FRMD5: variants seen among roughly 807,000 people sequenced by gnomAD.
FRMD5 encodes the protein FERM domain-containing protein 5.
A neutral mutation model predicts 69.0 loss-of-function variants in FRMD5; 20 were observed. That is an observed-to-expected ratio of 0.29 (90% CI 0.20 to 0.42). The LOEUF (loss-of-function observed/expected upper bound fraction) is 0.42. Among genes scored for constraint, FRMD5 ranks in the 10% least tolerant of loss-of-function variants. FRMD5 has a pLI of 1.00. For missense variants in FRMD5, 595 were observed against 708.6 expected, an observed-to-expected ratio of 0.84 and a Z score of 1.82; for synonymous variants, 271 against 260.1, an observed-to-expected ratio of 1.04 and a Z score of -0.40.
At chr15:43,987,502 G>T (rs935459185) in intron 1 of FRMD5, among the ~76,000 whole-genome samples, 4 of 152,140 alleles carry the variant, frequency 2.6e-5, no homozygotes, top group African/African-American at 9.7e-5. Context: ...GTTGCAGGGG[G>T]TTTCGGGATG....
intron 1 of FRMD5, among the ~76,000 whole-genome samples, chr15:44,036,571 C>A (rs1412192554): frequency 6.6e-6 from 1 of 152,118 alleles, no homozygotes; most frequent in African/African-American, 2.4e-5. Context: ...TAAAATGGAG[C>A]TGAAAATTGT....
rs34063043 is a variant in FRMD5 at position 43,875,804 on chromosome 15, G to GTTTTTTTTTTTTTTTTTTTTT, written c.1136-1363_1136-1343dup. The GTTTTTTTTTTTTTTTTTTTTT allele has an allele frequency of 5.7e-5, 12 of 210,656 alleles. 1 individual carries two copies. Among genetic ancestry groups the GTTTTTTTTTTTTTTTTTTTTT allele is most frequent in the African/African-American group, 2.9e-4 (6 of 20,936 alleles). The allele number at this position is 210,656 out of a possible 1,614,324, so 13.0% of individuals were successfully genotyped here. On this transcript the variant is annotated intron_variant, in intron 13 of 13. Coordinates refer to ENST00000417257, the MANE Select transcript of FRMD5 (RefSeq NM_032892.5). ...TCTTGCCTTTGGTGTCCTGGGCCTAGTTTTTTTTTTTTTTTTTTTTTTTCT... is the reference window on the plus strand; with the variant it reads ...TCTTGCCTTTGGTGTCCTGGGCCTAGTTTTTTTTTTTTTTTTTTTTTTTTTTTTTTTTTTTTTTTTTTTTCT...
intron 1 of FRMD5, among the ~76,000 whole-genome samples, chr15:43,931,901 A>T (rs2089682891): frequency 6.6e-6 from 1 of 152,196 alleles, no homozygotes; most frequent in Non-Finnish European, 1.5e-5. Flanking sequence ...GTTGAGGCAC[A>T]GGGAGCAGAA....
intron 1 of FRMD5, among the ~76,000 whole-genome samples, chr15:44,128,438 T>C (rs551463184): frequency 1.3e-5 from 2 of 152,062 alleles, no homozygotes; most frequent in African/African-American, 2.4e-5. Context: ...GATCATGCCA[T>C]TGCACTCCAG....
chr15:44,197,286 G>A (rs189043603), upstream of FRMD5, among the ~76,000 whole-genome samples: 152 of 152,214 alleles, frequency 1.0e-3, no homozygotes, highest in Admixed American at 2.9e-3. Context: ...GACCTGTGAA[G>A]AAACTCAAAA....
At chr15:43,885,830 T>C in intron 10 of FRMD5, 75 bp from the exon 11 acceptor site, 1 of 1,143,176 alleles carries the variant, frequency 8.7e-7, no homozygotes, top group South Asian at 1.2e-5. Context: ...CATCCCCAGC[T>C]TCTTCCAAAG....
At chr15:44,128,158 T>A (rs938779852) in intron 1 of FRMD5, among the ~76,000 whole-genome samples, 1 of 152,190 alleles carries the variant, frequency 6.6e-6, no homozygotes, top group African/African-American at 2.4e-5. Context: ...TATTTTTATA[T>A]CCATACTATT....
At chr15:43,956,753 C>G (rs1362097579) in intron 1 of FRMD5, among the ~76,000 whole-genome samples, 1 of 152,188 alleles carries the variant, frequency 6.6e-6, no homozygotes, top group African/African-American at 2.4e-5. Flanking sequence ...GTGTGTCCAT[C>G]CAGAAAGGCT....
At chr15:43,878,761 G>C (rs987336706) in intron 13 of FRMD5, among the ~76,000 whole-genome samples, 4 of 152,106 alleles carry the variant, frequency 2.6e-5, no homozygotes, top group African/African-American at 9.7e-5. Context: ...GAAAAGCTTA[G>C]CTTAACCTAC....
intron 1 of FRMD5, among the ~76,000 whole-genome samples, chr15:44,117,991 C>CTTTTTTTTTTTT (rs747747488): frequency 1.2e-3 from 109 of 92,550 alleles, no homozygotes; most frequent in Non-Finnish European, 1.7e-3. Flanking sequence ...TTCTTTTTTA[C>CTTTTTTTTTTTT]TTTTTTTTTT....
intron 1 of FRMD5, among the ~76,000 whole-genome samples, chr15:44,182,881 C>T (rs372430060): frequency 3.9e-5 from 6 of 152,100 alleles, no homozygotes; most frequent in South Asian, 2.1e-4. Context: ...CTGCAAGTTC[C>T]GCCTCCCGGG....
chr15:43,980,824 T>C (rs2090536862), intron 1 of FRMD5, among the ~76,000 whole-genome samples: 1 of 152,194 alleles, frequency 6.6e-6, no homozygotes, highest in African/African-American at 2.4e-5. Flanking sequence ...TGGGTGCTGC[T>C]CATTTTTGTG....
chr15:44,050,947 C>T (rs562557578), intron 1 of FRMD5, among the ~76,000 whole-genome samples: 6 of 151,826 alleles, frequency 4.0e-5, no homozygotes, highest in African/African-American at 7.2e-5. Flanking sequence ...CATGAGTCAC[C>T]GTGCCCAGCC....
chr15:43,942,124 C>T lies in FRMD5; in HGVS notation c.103-17815G>A, dbSNP rs554828453. ...GAGAGGAAGGAAGAAGATATTTCATCTTTGGTTCTTCTGAGTTGAATTAAA... is the reference window on the plus strand; with the variant it reads ...GAGAGGAAGGAAGAAGATATTTCATTTTTGGTTCTTCTGAGTTGAATTAAA... On this transcript the variant is annotated intron_variant, in intron 1 of 13. Coordinates refer to ENST00000417257, the MANE Select transcript of FRMD5 (RefSeq NM_032892.5). Among the ~76,000 whole-genome samples the T allele has an allele frequency of 7.9e-5, 12 of 152,302 alleles. 1 individual carries two copies. The South Asian group carries it at 2.3e-3, about 29-fold the overall frequency.
rs775487750 is a variant in FRMD5 at position 43,885,693 on chromosome 15, C to T, written c.947G>A (p.Arg316Gln). 6 of 1,613,714 alleles carry T rather than the reference C, an allele frequency of 3.7e-6. No individual in the cohort carries two copies. Among genetic ancestry groups the T allele is most frequent in the South Asian group, 2.2e-5 (2 of 91,070 alleles). The change falls in exon 11 of 14, where the codon CGG becomes CAG. Residue 316 changes from arginine (R) to glutamine (Q), a missense_variant. Physicochemically the swap from Arg to Gln is conservative, Grantham distance 43. This residue lies in a region of FRMD5 where 176 missense variants were observed against 266.3 expected (regional missense o/e 0.66). Transcript: ENST00000417257. ...TGTCACTATTTACCTGTATCGGAACCGGCTCCCTTTAAAGAATAAATTGCT... is the reference window on the plus strand; with the variant it reads ...TGTCACTATTTACCTGTATCGGAACTGGCTCCCTTTAAAGAATAAATTGCT... ...SSSNLFFKGS[R>Q]FRYSGRVAKE... is the part of the protein sequence containing the mutation.
chr15:44,158,920 T>A (rs924257298), intron 1 of FRMD5, among the ~76,000 whole-genome samples: 2 of 152,102 alleles, frequency 1.3e-5, no homozygotes, highest in Admixed American at 1.3e-4. Flanking sequence ...ACAATCACAA[T>A]ATCATGGGCA....
intron 1 of FRMD5, among the ~76,000 whole-genome samples, chr15:43,982,104 A>G (rs2090557300): frequency 6.6e-6 from 1 of 152,048 alleles, no homozygotes; most frequent in South Asian, 2.1e-4. Context: ...TGTTCTCTCT[A>G]TTGGGGTTCT....
At chr15:44,121,969 T>TGGG (rs2076957804) in intron 1 of FRMD5, among the ~76,000 whole-genome samples, 2 of 124,468 alleles carry the variant, frequency 1.6e-5, no homozygotes, top group Admixed American at 1.9e-4. Flanking sequence ...CACTCCAGCC[T>TGGG]GGGTGACAAA....
At chr15:43,923,709 G>A (rs1203757013) in intron 2 of FRMD5, among the ~76,000 whole-genome samples, 2 of 152,222 alleles carry the variant, frequency 1.3e-5, no homozygotes, top group Admixed American at 6.5e-5. Context: ...AGAATGCCCT[G>A]TGTCTGCAGA....
Sources: gnomAD v4.1 joint callset for allele counts (sites outside exome capture counted in the v4.1 genomes callset) on GRCh38, gnomAD v4.1.1 for gene constraint, gnomAD v4.1.1 regional missense constraint, MANE v1.5 for transcripts, NCBI Gene and HGNC (gene_info 2026-07-23, HGNC 2026-07-21) for gene names.